The following TBXAS1 variants were observed in gnomAD, a reference collection of about 807,000 sequenced individuals.
TBXAS1 encodes thromboxane A synthase 1.
A neutral mutation model predicts 60.7 loss-of-function variants in TBXAS1; 48 were observed. The ratio of observed to expected loss-of-function variants is 0.79; its 90% CI spans 0.63 to 1.01. TBXAS1 has a LOEUF of 1.01. Among genes scored for constraint, TBXAS1 ranks in the 50% least tolerant of loss-of-function variants. TBXAS1 has a pLI of 0.00. For missense variants in TBXAS1, 685 were observed against 686.3 expected, an observed-to-expected ratio of 1.00 and a Z score of 0.02; for synonymous variants, 287 against 269.7, an observed-to-expected ratio of 1.06 and a Z score of -0.63.
At chr7:139,978,218 A>G (rs544729920) in intron 9 of TBXAS1, among the ~76,000 whole-genome samples, 2 of 152,280 alleles carry the variant, frequency 1.3e-5, no homozygotes, top group South Asian at 4.2e-4. Flanking sequence ...TATGATAGAA[A>G]TAATAAGAGG....
intron 10 of TBXAS1, 127 bp from the exon 11 acceptor site, chr7:140,015,596 C>T: frequency 8.8e-7 from 1 of 1,137,328 alleles, no homozygotes; most frequent in Middle Eastern, 2.8e-4. Flanking sequence ...TGTCCCCAGC[C>T]TCATTCCACA....
chr7:139,940,628 C>G (rs1397522704), intron 5 of TBXAS1, among the ~76,000 whole-genome samples: 1 of 152,132 alleles, frequency 6.6e-6, no homozygotes, highest in East Asian at 1.9e-4. Context: ...GAACCCCCAC[C>G]CTCCACTGCT....
intron 4 of TBXAS1, among the ~76,000 whole-genome samples, chr7:139,912,910 C>T (rs1021115756): frequency 1.1e-4 from 16 of 152,128 alleles, no homozygotes; most frequent in African/African-American, 3.9e-4. Flanking sequence ...TGGCTTAACA[C>T]GAGGAAGAGC....
intron 4 of TBXAS1, among the ~76,000 whole-genome samples, chr7:139,823,561 C>T (rs1585557754): frequency 6.6e-6 from 1 of 152,202 alleles, no homozygotes; most frequent in African/African-American, 2.4e-5. Context: ...CTCATACCAC[C>T]CGTCCTCTTT....
chr7:139,799,620 G>C (rs1163732941), intron 4 of TBXAS1, among the ~76,000 whole-genome samples: 1 of 152,110 alleles, frequency 6.6e-6, no homozygotes, highest in Non-Finnish European at 1.5e-5. Flanking sequence ...GCTTCCCAAA[G>C]TGCTGGAATT....
chr7:139,962,061 C>G lies in TBXAS1; in HGVS notation c.962C>G (p.Pro321Arg), dbSNP rs767320554. 2.7e-5 allele frequency: 44 copies of G among 1,614,132 alleles called. No individual in the cohort carries two copies. Among genetic ancestry groups the G allele is most frequent in the Non-Finnish European group, 3.6e-5 (42 of 1,180,054 alleles). Reference sequence around the variant, plus strand: ...CCTTCCCGGCAACACCAGCCCAGCCCTATGGCCAGGCCTTTGACTGTGGAT... The same window carrying G: ...CCTTCCCGGCAACACCAGCCCAGCCGTATGGCCAGGCCTTTGACTGTGGAT... ...PNPSRQHQPSPMARPLTVDEI... is the reference protein window; with the variant it reads ...PNPSRQHQPSRMARPLTVDEI... Residue 321 changes from proline (P) to arginine (R), a missense_variant, in exon 9 of 13, where the codon CCT becomes CGT. Coordinates refer to ENST00000448866, the MANE Select transcript of TBXAS1 (RefSeq NM_001061.7).
At chr7:139,944,553 C>A (rs1025283388) in intron 5 of TBXAS1, among the ~76,000 whole-genome samples, 4 of 152,196 alleles carry the variant, frequency 2.6e-5, no homozygotes, top group Non-Finnish European at 5.9e-5. Flanking sequence ...CCCAAGCCAG[C>A]CATTTCCCAG....
chr7:139,932,644 CTT>C (rs935497450), intron 4 of TBXAS1, among the ~76,000 whole-genome samples: 2 of 152,166 alleles, frequency 1.3e-5, no homozygotes. Flanking sequence ...CAAATCTTCT[CTT>C]TTCCAGTTAA....
chr7:139,970,761 G>A (rs1257913852), intron 9 of TBXAS1, among the ~76,000 whole-genome samples: 1 of 152,140 alleles, frequency 6.6e-6, no homozygotes, highest in Non-Finnish European at 1.5e-5. Flanking sequence ...TGTTTCCATG[G>A]TGGGAGGTTA....
chr7:139,829,865 G>A (rs778114280), intron 1 of TBXAS1, among the ~76,000 whole-genome samples: 3 of 152,090 alleles, frequency 2.0e-5, no homozygotes, highest in Admixed American at 6.5e-5. Context: ...CAGCCTCTTG[G>A]TTCATATTAC....
intron 1 of TBXAS1, among the ~76,000 whole-genome samples, chr7:139,844,116 G>A (rs1344173680): frequency 2.0e-5 from 3 of 152,166 alleles, no homozygotes; most frequent in Non-Finnish European, 4.4e-5. Context: ...AAAAGGAGGG[G>A]ATGATGGAAT....
intron 3 of TBXAS1, among the ~76,000 whole-genome samples, chr7:139,876,111 C>A (rs1802217261): frequency 6.6e-6 from 1 of 152,224 alleles, no homozygotes; most frequent in African/African-American, 2.4e-5. Context: ...TCACCCAATC[C>A]AGTTCCCTTT....
intron 5 of TBXAS1, among the ~76,000 whole-genome samples, chr7:139,949,983 T>C (rs1809069174): frequency 6.6e-6 from 1 of 151,546 alleles, no homozygotes; most frequent in African/African-American, 2.4e-5. Flanking sequence ...AAGGCACACT[T>C]ACTACATTGC....
intron 4 of TBXAS1, among the ~76,000 whole-genome samples, chr7:139,803,745 T>C (rs1447145358): frequency 1.3e-5 from 2 of 152,182 alleles, no homozygotes; most frequent in African/African-American, 4.8e-5. Flanking sequence ...AAGGTACCAC[T>C]TGGACTTGTG....
chr7:139,969,203 G>C (rs1811012385), intron 9 of TBXAS1, among the ~76,000 whole-genome samples: 1 of 152,046 alleles, frequency 6.6e-6, no homozygotes, highest in South Asian at 2.1e-4. Context: ...CCTCTCTTTA[G>C]GATAATTTGA....
chr7:139,931,199 T>C (rs1807302186), intron 4 of TBXAS1, among the ~76,000 whole-genome samples: 1 of 152,170 alleles, frequency 6.6e-6, no homozygotes, highest in Non-Finnish European at 1.5e-5. Context: ...CTTGTCTATC[T>C]CTTGTCTCTT....
chr7:139,987,458 TGG>T (rs544561744), intron 9 of TBXAS1, among the ~76,000 whole-genome samples: 16 of 152,290 alleles, frequency 1.1e-4, no homozygotes, highest in Non-Finnish European at 2.4e-4. Context: ...TCTGTTCCCC[TGG>T]GGTGGGGACT....
At position 139,981,953 on chromosome 7, in the gene TBXAS1, A is replaced by G. The variant is rs561892191; in HGVS notation, c.1134+19720A>G. On this transcript the variant is annotated intron_variant, in intron 9 of 12. Coordinates refer to ENST00000448866, the MANE Select transcript of TBXAS1 (RefSeq NM_001061.7). ...AGTGAATAAATTAACATAAATTTGC[A>G]TAATACAATACAGCTGTTAATTTAT... Among the ~76,000 whole-genome samples the G allele has an allele frequency of 7.9e-5, 12 of 152,398 alleles. No individual in the cohort carries two copies. In the South Asian group the frequency reaches 2.1e-3, roughly 26 times the overall value.
At chr7:139,779,430 C>T (rs1490755055) in intron 1 of TBXAS1, among the ~76,000 whole-genome samples, 2 of 152,184 alleles carry the variant, frequency 1.3e-5, no homozygotes, top group Non-Finnish European at 2.9e-5. Flanking sequence ...TTTGCAGAAT[C>T]CTAGACTACT....
Sources: allele counts gnomAD v4.1 joint callset (sites outside exome capture counted in the v4.1 genomes callset), GRCh38; gene constraint gnomAD v4.1.1; transcripts MANE v1.5; gene names NCBI Gene and HGNC (gene_info 2026-07-23, HGNC 2026-07-21).